SCML4: variants seen among roughly 807,000 people sequenced by gnomAD.
The protein encoded by SCML4 is Scm polycomb group protein like 4, also known as sex comb on midleg-like protein 4.
SCML4 carries 34 observed loss-of-function variants against 41.1 expected under a neutral mutation model. The observed-to-expected ratio is 0.83, with a 90% CI of 0.63 to 1.10. SCML4 has a LOEUF of 1.10. Among genes scored for constraint, SCML4 ranks in the 50% least tolerant of loss-of-function variants. The pLI, the probability that SCML4 is intolerant of heterozygous loss-of-function variation, is 0.00. For synonymous variants in SCML4, 214 were observed against 220.9 expected (o/e 0.97, Z 0.28); for missense variants, 522 against 534.1 (o/e 0.98, Z 0.22).
chr6:107,765,532 G>A (rs1779964061), intron 2 of SCML4, among the ~76,000 whole-genome samples: 1 of 152,172 alleles, frequency 6.6e-6, no homozygotes, highest in South Asian at 2.1e-4. Context: ...AAAAATTACA[G>A]TATATACACT....
At chr6:107,736,712 A>G (rs1454618697) in intron 5 of SCML4, among the ~76,000 whole-genome samples, 2 of 152,214 alleles carry the variant, frequency 1.3e-5, no homozygotes, top group Non-Finnish European at 2.9e-5. Context: ...ATGTTATTCT[A>G]CTAGATAAAT....
the SCML4 span, among the ~76,000 whole-genome samples, chr6:107,834,774 G>C: frequency 6.6e-6 from 1 of 151,806 alleles, no homozygotes; most frequent in Admixed American, 6.6e-5. Context: ...GGTGAAATCT[G>C]TCTCTAGAAA....
At chr6:107,789,528 T>C (rs1379833632) in intron 1 of SCML4, among the ~76,000 whole-genome samples, 1 of 152,066 alleles carries the variant, frequency 6.6e-6, no homozygotes, top group East Asian at 1.9e-4. Flanking sequence ...TCCATCGCAG[T>C]CTCCCAGAAT....
chr6:107,841,293 C>A, the SCML4 span, among the ~76,000 whole-genome samples: 12 of 152,272 alleles, frequency 7.9e-5, no homozygotes, highest in African/African-American at 2.9e-4. Flanking sequence ...GACCTCATTT[C>A]TAAATAAATA....
intron 5 of SCML4, 61 bp from the exon 6 acceptor site, chr6:107,721,054 C>A: frequency 1.3e-6 from 2 of 1,515,264 alleles, no homozygotes; most frequent in Non-Finnish European, 1.8e-6. Context: ...AGCTATCAGA[C>A]CCTCCGTCTT....
intron 2 of SCML4, among the ~76,000 whole-genome samples, chr6:107,769,835 A>G (rs1780371304): frequency 6.6e-6 from 1 of 152,200 alleles, no homozygotes. Context: ...ATCTAAGGCT[A>G]CTAACCAGCT....
chr6:107,815,898 T>C (rs1784523121), intron 1 of SCML4, among the ~76,000 whole-genome samples: 1 of 152,184 alleles, frequency 6.6e-6, no homozygotes, highest in Non-Finnish European at 1.5e-5. Flanking sequence ...AGAAATTTTC[T>C]ATGGATCAAA....
Position 107,746,766 on chromosome 6 carries a change from G to A in SCML4, c.410C>T (p.Ala137Val). 6.2e-7 allele frequency: 1 copy of A among 1,613,970 alleles called. No individual in the cohort carries two copies. The highest frequency in any genetic ancestry group is 1.1e-5 in the South Asian group (1 of 91,070). ...PSAVLQQAVQ[A>V]CIDCAHQQKL... ...CTGCTGGTGGGCGCAGTCGATGCAG[G>A]CTTGGACGGCCTGCTGCAGCACCGC... Residue 137 changes from alanine (A) to valine (V), a missense_variant, in exon 4 of 8, where the codon GCC becomes GTC. Transcript: ENST00000369020.
At chr6:107,772,121 C>G (rs1780566656) in intron 2 of SCML4, 51 bp downstream of exon 2, 7 of 1,452,814 alleles carry the variant, frequency 4.8e-6, no homozygotes, top group Non-Finnish European at 5.5e-6. Context: ...TGACCAAGTA[C>G]CCGTGCCCCA....
At chr6:107,773,706 G>A (rs1780700492) in intron 1 of SCML4, among the ~76,000 whole-genome samples, 1 of 152,162 alleles carries the variant, frequency 6.6e-6, no homozygotes, top group Non-Finnish European at 1.5e-5. Flanking sequence ...ATGAGTTCAG[G>A]GGTCAGACTT....
chr6:107,823,514 G>A (rs1004223292), intron 1 of SCML4, among the ~76,000 whole-genome samples: 2 of 152,042 alleles, frequency 1.3e-5, no homozygotes, highest in East Asian at 1.9e-4. Flanking sequence ...CCCAAAAAAC[G>A]AATTAAAACC....
chr6:107,715,084 C>T (rs1300335566), intron 6 of SCML4, among the ~76,000 whole-genome samples: 2 of 150,710 alleles, frequency 1.3e-5, no homozygotes, highest in African/African-American at 2.5e-5. Context: ...AAGCGATTCT[C>T]GAGCCTCAGC....
rs1381375636 is a variant in SCML4 at position 107,813,383 on chromosome 6, T to A, written c.-60+10743A>T. Among the ~76,000 whole-genome samples the A allele has an allele frequency of 0.014, 182 of 13,002 alleles. 5 individuals carry two copies. In the East Asian group the frequency reaches 0.15, roughly 11 times the overall value. The allele number at this position is 13,002 out of a possible 152,430, so 8.5% of individuals were successfully genotyped here. A position where few individuals can be genotyped will look rare whatever the true frequency, so the allele number is the denominator to read the frequency against. ...ATCTCAAAAAAATTATATATATATA[T>A]ATATATATATATATATATATATATA... On this transcript the variant is annotated intron_variant, in intron 1 of 7. Coordinates refer to ENST00000369020, the MANE Select transcript of SCML4 (RefSeq NM_198081.5).
In SCML4 at chr6:107,750,213, A is replaced by G. The variant is rs114868130; in HGVS notation, c.157-400T>C. Reference sequence around the variant, plus strand: ...CCTGTATCCACCCAACCAGAGACCAACCCTTCACTGTCTCCCAAGCTCTCT... The same window carrying G: ...CCTGTATCCACCCAACCAGAGACCAGCCCTTCACTGTCTCCCAAGCTCTCT... On this transcript the variant is annotated intron_variant, in intron 2 of 7. Transcript: ENST00000369020. Among the ~76,000 whole-genome samples, 1,038 of 152,120 alleles carry G rather than the reference A, an allele frequency of 6.8e-3. 19 individuals are homozygous for G. The highest frequency in any genetic ancestry group is 0.024 in the African/African-American group (984 of 41,466).
rs1583359481 is a variant in SCML4 at position 107,707,893 on chromosome 6, C to A, written c.1092G>T (p.Gly364=). ...FVKDADPQAL[G]PHVELFRKHE... ...GCTTTCTGAAGAGCTCCACGTGAGG[C>A]CCCAGAGCCTGTGGGTCGGCGTCCT... Residue 364 remains glycine, a synonymous_variant, in exon 7 of 8, where the codon GGG becomes GGT. Coordinates refer to ENST00000369020, the MANE Select transcript of SCML4 (RefSeq NM_198081.5). 1.9e-6 allele frequency: 3 copies of A among 1,551,706 alleles called. No individual in the cohort carries two copies. The highest frequency in any genetic ancestry group is 4.9e-5 in the East Asian group (2 of 40,914).
chr6:107,742,577 C>T (rs1009409793), intron 5 of SCML4, among the ~76,000 whole-genome samples: 2 of 152,112 alleles, frequency 1.3e-5, no homozygotes, highest in African/African-American at 4.8e-5. Flanking sequence ...TTTGAAGGAA[C>T]CCCAATTCAT....
At chr6:107,786,922 A>G (rs1308359557) in intron 1 of SCML4, among the ~76,000 whole-genome samples, 2 of 152,184 alleles carry the variant, frequency 1.3e-5, no homozygotes, top group Non-Finnish European at 2.9e-5. Flanking sequence ...AATTTTCACA[A>G]TGGTTTTGAG....
intron 6 of SCML4, among the ~76,000 whole-genome samples, chr6:107,716,983 AC>A (rs1427958895): frequency 6.6e-6 from 1 of 151,680 alleles, no homozygotes; most frequent in Admixed American, 6.6e-5. Context: ...TTTATTTAGC[AC>A]CCTGAGGAAG....
Position 107,810,836 on chromosome 6 carries a change from G to T in SCML4, c.-60+13290C>A, listed in dbSNP as rs570351778. 7.9e-5 allele frequency among the ~76,000 whole-genome samples: 12 copies of T among 152,180 alleles called. No individual in the cohort carries two copies. The South Asian group carries it at 2.3e-3, about 29-fold the overall frequency. ...ATTTTATCTTTTTATAGAGATGGGGGTCTCACTATGTTTCCCAGGCTGGTC... is the reference window on the plus strand; with the variant it reads ...ATTTTATCTTTTTATAGAGATGGGGTTCTCACTATGTTTCCCAGGCTGGTC... On this transcript the variant is annotated intron_variant, in intron 1 of 7. Transcript: ENST00000369020.
Sources: gnomAD v4.1 joint callset for allele counts (sites outside exome capture counted in the v4.1 genomes callset) on GRCh38, gnomAD v4.1.1 for gene constraint, MANE v1.5 for transcripts, NCBI Gene and HGNC (gene_info 2026-07-23, HGNC 2026-07-21) for gene names.